GRXCR1: variants seen among roughly 807,000 people sequenced by gnomAD.
The protein encoded by GRXCR1 is glutaredoxin domain-containing cysteine-rich protein 1.
Under a neutral mutation model 27.3 loss-of-function variants are expected in GRXCR1, and 27 were observed. That is an observed-to-expected ratio of 0.99 (90% CI 0.73 to 1.37). The LOEUF (loss-of-function observed/expected upper bound fraction) is 1.37, where lower values mean the gene tolerates loss of function less well. GRXCR1 is among the 40% of genes most tolerant of loss of function. The pLI is 0.00. For synonymous variants in GRXCR1, 122 were observed against 131.1 expected, an observed-to-expected ratio of 0.93 and a Z score of 0.47; for missense variants, 379 against 354.4, an observed-to-expected ratio of 1.07 and a Z score of -0.56.
chr4:42,980,988 G>A (rs918434283), intron 2 of GRXCR1, among the ~76,000 whole-genome samples: 2 of 150,092 alleles, frequency 1.3e-5, no homozygotes, highest in African/African-American at 2.4e-5. Flanking sequence ...TTCAGCTACT[G>A]TATCTTTTTA....
chr4:42,941,012 G>T (rs940841805), intron 1 of GRXCR1, among the ~76,000 whole-genome samples: 1 of 151,770 alleles, frequency 6.6e-6, no homozygotes, highest in African/African-American at 2.4e-5. Context: ...TCTATTGTAT[G>T]GTGTAGAATA....
chr4:42,964,256 A>G (rs1457827587), intron 2 of GRXCR1, among the ~76,000 whole-genome samples: 1 of 152,030 alleles, frequency 6.6e-6, no homozygotes, highest in African/African-American at 2.4e-5. Context: ...AATAATAGTA[A>G]TAATAACACT....
At chr4:42,987,854 A>G (rs1399671865) in intron 2 of GRXCR1, among the ~76,000 whole-genome samples, 1 of 152,204 alleles carries the variant, frequency 6.6e-6, no homozygotes, top group East Asian at 1.9e-4. Flanking sequence ...AGAAGTTTTT[A>G]CTAGGCTTCT....
At chr4:42,902,986 G>C (rs185396383) in intron 1 of GRXCR1, among the ~76,000 whole-genome samples, 67 of 152,190 alleles carry the variant, frequency 4.4e-4, no homozygotes, top group Non-Finnish European at 1.3e-4. Flanking sequence ...TCAGAGAAGC[G>C]TGTAGCTTGT....
intron 3 of GRXCR1, among the ~76,000 whole-genome samples, chr4:43,022,197 C>T (rs1713113575): frequency 6.6e-6 from 1 of 152,286 alleles, no homozygotes; most frequent in Non-Finnish European, 1.5e-5. Context: ...TATGCAGTAT[C>T]ATTGATCTAT....
chr4:42,895,458 T>C (rs925017753), intron 1 of GRXCR1, among the ~76,000 whole-genome samples: 10 of 152,136 alleles, frequency 6.6e-5, no homozygotes, highest in Admixed American at 5.2e-4. Context: ...ATCAGCCTAT[T>C]GTAGGCATTC....
intron 1 of GRXCR1, among the ~76,000 whole-genome samples, chr4:42,905,386 T>C (rs144511206): frequency 4.8e-4 from 73 of 152,340 alleles, no homozygotes; most frequent in Admixed American, 1.9e-3. Context: ...GATTGATTTT[T>C]AATACCTTTC....
intron 1 of GRXCR1, among the ~76,000 whole-genome samples, chr4:42,898,085 T>C (rs551685232): frequency 6.6e-6 from 1 of 152,048 alleles, no homozygotes; most frequent in Admixed American, 6.6e-5. Context: ...TTGTACTATA[T>C]GCATAAACTC....
chr4:42,912,332 G>C (rs192775493), intron 1 of GRXCR1, among the ~76,000 whole-genome samples: 1 of 152,082 alleles, frequency 6.6e-6, no homozygotes, highest in Non-Finnish European at 1.5e-5. Flanking sequence ...GTATTGAAAA[G>C]GACCTGAAGA....
At chr4:43,003,591 A>G (rs1426793786) in intron 2 of GRXCR1, among the ~76,000 whole-genome samples, 2 of 152,212 alleles carry the variant, frequency 1.3e-5, no homozygotes, top group Non-Finnish European at 2.9e-5. Context: ...ACTTCTTGAG[A>G]ACTGGAGCAA....
chr4:43,016,115 A>G (rs1174479797), intron 2 of GRXCR1, among the ~76,000 whole-genome samples: 1 of 152,210 alleles, frequency 6.6e-6, no homozygotes, highest in African/African-American at 2.4e-5. Flanking sequence ...AAGCTGATTT[A>G]TATCACTTTA....
chr4:42,987,236 TA>T (rs1209692840), intron 2 of GRXCR1, among the ~76,000 whole-genome samples: 28 of 70,784 alleles, frequency 4.0e-4, no homozygotes, highest in African/African-American at 6.5e-4. Context: ...ATATTATATA[TA>T]TATAATATAT....
intron 2 of GRXCR1, among the ~76,000 whole-genome samples, chr4:42,998,483 CAAT>C (rs1712247422): frequency 6.6e-6 from 1 of 152,030 alleles, no homozygotes; most frequent in Non-Finnish European, 1.5e-5. Context: ...TCTCTGAAGA[CAAT>C]ATCACAAAAA....
chr4:42,963,076 G>C lies in GRXCR1; in HGVS notation c.569G>C (p.Arg190Pro), dbSNP rs370812791. 2.7e-5 allele frequency: 43 copies of C among 1,612,592 alleles called. No individual in the cohort carries two copies. The highest frequency in any genetic ancestry group is 3.4e-5 in the Non-Finnish European group (40 of 1,178,976). Residue 190 changes from arginine to proline, a missense_variant, in exon 2 of 4, where the codon CGA becomes CCA. Physicochemically the swap from Arg to Pro is moderately radical, Grantham distance 103. Transcript: ENST00000399770. Reference sequence around the variant, plus strand: ...GGAAAAGAGTTAGACGAACGATGCCGACGAGTTTCTGAAGCTCCTTCCCTC... The same window carrying C: ...GGAAAAGAGTTAGACGAACGATGCCCACGAGTTTCTGAAGCTCCTTCCCTC... ...EYGKELDERC[R>P]RVSEAPSLPV...
At chr4:42,906,090 C>T (rs943748222) in intron 1 of GRXCR1, among the ~76,000 whole-genome samples, 12 of 151,640 alleles carry the variant, frequency 7.9e-5, no homozygotes, top group African/African-American at 2.7e-4. Flanking sequence ...TTTTTAAATC[C>T]ATATTTTCTC....
At chr4:43,005,406 A>G (rs1188013865) in intron 2 of GRXCR1, among the ~76,000 whole-genome samples, 1 of 152,176 alleles carries the variant, frequency 6.6e-6, no homozygotes, top group Non-Finnish European at 1.5e-5. Context: ...TTGTGGTGAA[A>G]CAATTTTATT....
intron 2 of GRXCR1, among the ~76,000 whole-genome samples, chr4:42,981,980 T>C (rs889954407): frequency 9.9e-5 from 15 of 152,174 alleles, no homozygotes; most frequent in Non-Finnish European, 1.8e-4. Flanking sequence ...ATTTATATCT[T>C]TCTTCATATT....
At chr4:43,025,844 T>C (rs935791203) in intron 3 of GRXCR1, among the ~76,000 whole-genome samples, 3 of 151,740 alleles carry the variant, frequency 2.0e-5, no homozygotes, top group African/African-American at 4.8e-5. Flanking sequence ...GGCAGGGTGG[T>C]GGGCGCCTGT....
intron 1 of GRXCR1, among the ~76,000 whole-genome samples, chr4:42,952,608 T>C (rs976390393): frequency 1.3e-5 from 2 of 152,124 alleles, no homozygotes; most frequent in African/African-American, 4.8e-5. Flanking sequence ...TTCTGAGATA[T>C]ACCCTATAAG....
Sources: gnomAD v4.1 joint callset for allele counts (sites outside exome capture counted in the v4.1 genomes callset) on GRCh38, gnomAD v4.1.1 for gene constraint, MANE v1.5 for transcripts, NCBI Gene and HGNC (gene_info 2026-07-23, HGNC 2026-07-21) for gene names.